The following CTNND2 variants were observed in gnomAD, a reference collection of about 807,000 sequenced individuals.
CTNND2 encodes catenin delta 2, also known as catenin delta-2.
A neutral mutation model predicts 144.4 loss-of-function variants in CTNND2; 22 were observed. The ratio of observed to expected loss-of-function variants is 0.15; its 90% CI spans 0.11 to 0.22. The LOEUF (loss-of-function observed/expected upper bound fraction) is 0.22. CTNND2 is among the 10% of genes least tolerant of loss of function. The probability of loss-of-function intolerance (pLI) is 1.00; values close to 1 mark genes in which losing one functional copy is unlikely to be tolerated. For synonymous variants in CTNND2, 751 were observed against 695.6 expected (o/e 1.08, Z -1.25); for missense variants, 1,353 against 1,618.8 (o/e 0.84, Z 2.82).
At chr5:11,007,702 C>T (rs1345397959) in intron 18 of CTNND2, among the ~76,000 whole-genome samples, 1 of 152,238 alleles carries the variant, frequency 6.6e-6, no homozygotes, top group Non-Finnish European at 1.5e-5. Context: ...TTGGTAATTA[C>T]TGTGGAAGTA....
At chr5:11,370,286 C>A (rs996667384) in intron 7 of CTNND2, among the ~76,000 whole-genome samples, 26 of 151,262 alleles carry the variant, frequency 1.7e-4, no homozygotes, top group African/African-American at 6.1e-4. Context: ...ATGCTGACTT[C>A]TGAATACAAC....
chr5:11,733,629 G>C (rs1225240691), intron 1 of CTNND2, among the ~76,000 whole-genome samples: 1 of 152,186 alleles, frequency 6.6e-6, no homozygotes, highest in Non-Finnish European at 1.5e-5. Flanking sequence ...AGCTTAGTTA[G>C]TATTGTGAAA....
intron 2 of CTNND2, among the ~76,000 whole-genome samples, chr5:11,668,961 G>C (rs370672820): frequency 1.5e-3 from 234 of 152,240 alleles, no homozygotes; most frequent in African/African-American, 5.5e-3. Context: ...TTTATTGAGA[G>C]TTTTAGTAGG....
chr5:11,781,739 C>A (rs1016561764), intron 1 of CTNND2, among the ~76,000 whole-genome samples: 2 of 152,036 alleles, frequency 1.3e-5, no homozygotes, highest in African/African-American at 4.8e-5. Context: ...ATCTTTTTTT[C>A]TTGGAACTTC....
At chr5:11,287,279 CA>C (rs1250735458) in intron 9 of CTNND2, among the ~76,000 whole-genome samples, 1 of 152,146 alleles carries the variant, frequency 6.6e-6, no homozygotes, top group Non-Finnish European at 1.5e-5. Flanking sequence ...GGGCCTCATC[CA>C]ATCAGTTGAA....
intron 11 of CTNND2, among the ~76,000 whole-genome samples, chr5:11,178,281 T>C (rs1315397964): frequency 6.6e-6 from 1 of 152,184 alleles, no homozygotes; most frequent in Admixed American, 6.5e-5. Context: ...TTTTTCTCAG[T>C]AGGTTAAAAG....
intron 10 of CTNND2, among the ~76,000 whole-genome samples, chr5:11,218,659 C>T (rs897498658): frequency 6.6e-6 from 1 of 152,190 alleles, no homozygotes; most frequent in East Asian, 1.9e-4. Flanking sequence ...ACGTTGAATA[C>T]TGTCAAAGCC....
chr5:11,779,478 G>A (rs935517547), intron 1 of CTNND2, among the ~76,000 whole-genome samples: 2 of 152,198 alleles, frequency 1.3e-5, no homozygotes, highest in Non-Finnish European at 2.9e-5. Flanking sequence ...ACTGCAGGCT[G>A]CCTTGCAGAG....
Position 11,088,317 on chromosome 5 carries a change from A to G in CTNND2, c.2638-5471T>C, listed in dbSNP as rs911868134. Among the ~76,000 whole-genome samples the G allele has an allele frequency of 2.6e-5, 4 of 152,206 alleles. No homozygotes were observed. The South Asian group carries it at 8.3e-4, about 31-fold the overall frequency. On this transcript the variant is annotated intron_variant, in intron 15 of 21. Coordinates refer to ENST00000304623, the MANE Select transcript of CTNND2 (RefSeq NM_001332.4). ...GGAAACTGACCACAGTGGAGGTCCA[A>G]AATGAAACTGCTCACACTACTACCC...
intron 3 of CTNND2, among the ~76,000 whole-genome samples, chr5:11,527,915 C>T (rs985315330): frequency 9.2e-5 from 14 of 152,180 alleles, no homozygotes; most frequent in Admixed American, 2.0e-4. Flanking sequence ...GACTTGGGTA[C>T]GGCGCTGCAT....
chr5:11,397,107 G>C lies in CTNND2; in HGVS notation c.536C>G (p.Ala179Gly), dbSNP rs1041982189. The stretch of plus-strand genomic sequence containing the variant: ...CTGTGAAGGGGTGGTTTCCCCCAGG[G>C]CCAGGGTCTGGTTGCTATGGTAGCT... ...PASYHSNQTL[A>G]LGETTPSQLP... The change falls in exon 6 of 22, where the codon GCC becomes GGC. Residue 179 changes from alanine (A) to glycine (G), a missense_variant. Ala to Gly is a moderately conservative substitution (Grantham distance 60). Around this residue, in one of 4 missense-constraint regions of CTNND2, gnomAD observed 708 missense variants for 706.4 expected, o/e 1.00. Transcript: ENST00000304623. 2 of 1,614,184 alleles carry C rather than the reference G, an allele frequency of 1.2e-6. No individual in the cohort carries two copies. Among genetic ancestry groups the C allele is most frequent in the Admixed American group, 3.3e-5 (2 of 60,028 alleles).
chr5:11,260,338 G>A (rs181002208), intron 9 of CTNND2, among the ~76,000 whole-genome samples: 9 of 151,922 alleles, frequency 5.9e-5, no homozygotes, highest in East Asian at 1.9e-4. Flanking sequence ...ATAAAATAAC[G>A]ACATATTTTA....
At chr5:11,893,463 G>T (rs998657652) in intron 1 of CTNND2, among the ~76,000 whole-genome samples, 4 of 152,178 alleles carry the variant, frequency 2.6e-5, no homozygotes, top group Non-Finnish European at 5.9e-5. Flanking sequence ...TTTGTTGAAT[G>T]AATGCATAAA....
chr5:11,293,043 A>C (rs1315140388), intron 9 of CTNND2, among the ~76,000 whole-genome samples: 6 of 152,244 alleles, frequency 3.9e-5, no homozygotes, highest in African/African-American at 1.4e-4. Flanking sequence ...AATGCTCACA[A>C]TGACTCTGAA....
intron 12 of CTNND2, among the ~76,000 whole-genome samples, chr5:11,131,546 G>T (rs13359443): frequency 6.6e-6 from 1 of 152,202 alleles, no homozygotes; most frequent in African/African-American, 2.4e-5. Flanking sequence ...CCAGCACTTT[G>T]GGAGGCCAAG....
chr5:11,370,140 T>C (rs1757333297), intron 7 of CTNND2, among the ~76,000 whole-genome samples: 1 of 151,888 alleles, frequency 6.6e-6, no homozygotes, highest in South Asian at 2.1e-4. Flanking sequence ...TTGGGAGAAC[T>C]GCATAGCTGA....
At chr5:11,417,768 C>T (rs988485318) in intron 3 of CTNND2, among the ~76,000 whole-genome samples, 4 of 152,120 alleles carry the variant, frequency 2.6e-5, no homozygotes, top group African/African-American at 9.7e-5. Flanking sequence ...CATGTAATAC[C>T]TAATCACCCA....
chr5:11,133,510 G>A (rs745329091), intron 12 of CTNND2, among the ~76,000 whole-genome samples: 4 of 151,976 alleles, frequency 2.6e-5, no homozygotes, highest in Non-Finnish European at 1.5e-5. Context: ...GCACCACCAC[G>A]CCTGGCTAAT....
At chr5:11,020,538 T>C (rs965884893) in intron 17 of CTNND2, among the ~76,000 whole-genome samples, 2 of 152,266 alleles carry the variant, frequency 1.3e-5, no homozygotes, top group South Asian at 2.1e-4. Flanking sequence ...TAGAAGTCCA[T>C]GGGAATCTCC....
Sources: gnomAD v4.1 joint callset for allele counts (sites outside exome capture counted in the v4.1 genomes callset) on GRCh38, gnomAD v4.1.1 for gene constraint, gnomAD v4.1.1 regional missense constraint, MANE v1.5 for transcripts, NCBI Gene and HGNC (gene_info 2026-07-23, HGNC 2026-07-21) for gene names.